Variants in ARAP1 observed in about 807,000 individuals in gnomAD.
ARAP1 encodes arf-GAP with Rho-GAP domain, ANK repeat and PH domain-containing protein 1.
ARAP1 carries 76 observed loss-of-function variants against 172.2 expected under a neutral mutation model. That is an observed-to-expected ratio of 0.44 (90% CI 0.37 to 0.53). ARAP1 has a LOEUF of 0.53. Among genes scored for constraint, ARAP1 ranks in the 20% least tolerant of loss-of-function variants. The probability of loss-of-function intolerance (pLI) is 0.00; values close to 1 mark genes in which losing one functional copy is unlikely to be tolerated. For synonymous variants in ARAP1, 804 were observed against 803.3 expected, an observed-to-expected ratio of 1.00 and a Z score of -0.01; for missense variants, 1,686 against 1,977.5, an observed-to-expected ratio of 0.85 and a Z score of 2.80.
intron 2 of ARAP1, among the ~76,000 whole-genome samples, chr11:72,730,042 A>G (rs1333855527): frequency 6.6e-6 from 1 of 152,198 alleles, no homozygotes; most frequent in Non-Finnish European, 1.5e-5. Flanking sequence ...GCACTCTTGC[A>G]TGGTAAAAAG....
rs1226185597 is a variant in ARAP1 at position 72,726,148 on chromosome 11, T to TGTGAAAGAG, written c.509+463_509+471dup. Among the ~76,000 whole-genome samples, 1 of 151,974 alleles carries TGTGAAAGAG rather than the reference T, an allele frequency of 6.6e-6. No homozygotes were observed. On this transcript the variant is annotated intron_variant, in intron 3 of 34. Transcript: ENST00000393609. This position sits in a 1 kb window ranked among gnomAD's most constrained non-coding sequence, Gnocchi z 6.5. Reference sequence around the variant, plus strand: ...TTGGCAGTGGGAGAAGGGGACAGGGTGTGAAAGAGCACACCACCAGGACCT... The same window carrying TGTGAAAGAG: ...TTGGCAGTGGGAGAAGGGGACAGGGTGTGAAAGAGGTGAAAGAGCACACCACCAGGACCT...
At chr11:72,727,913 T>C (rs1449743771) in intron 2 of ARAP1, among the ~76,000 whole-genome samples, 1 of 152,218 alleles carries the variant, frequency 6.6e-6, no homozygotes, top group East Asian at 1.9e-4. Context: ...CAAGAGGTGA[T>C]ATGAAGAGGT....
intron 4 of ARAP1, among the ~76,000 whole-genome samples, chr11:72,713,633 C>G (rs1016794218): frequency 5.3e-5 from 8 of 151,978 alleles, no homozygotes; most frequent in South Asian, 4.1e-4. Flanking sequence ...AGATCACGAA[C>G]TCAGGAGATC....
chr11:72,710,021 G>C lies in ARAP1; in HGVS notation c.1417-45C>G, dbSNP rs1856939737. 6.5e-7 allele frequency: 1 copy of C among 1,547,930 alleles called. No individual in the cohort carries two copies. The highest frequency in any genetic ancestry group is 1.7e-5 in the Admixed American group (1 of 59,916). On this transcript the variant is annotated intron_variant, in intron 10 of 34. Transcript: ENST00000393609. The surrounding 1 kb of genome is among the most constrained non-coding windows in gnomAD (Gnocchi z 4.3). The stretch of plus-strand genomic sequence containing the variant: ...GGATGAGGGCAAGGCTTTGGGGGCA[G>C]GGCGTGAGGCTTGGGACAGGGAGAG...
chr11:72,699,364 T>C lies in ARAP1; in HGVS notation c.2438+53A>G. ...TGGGTCTATTTCCCTGTCTCCCCAGTGGGGGATTGTACCTTATAGCAACCA... is the reference window on the plus strand; with the variant it reads ...TGGGTCTATTTCCCTGTCTCCCCAGCGGGGGATTGTACCTTATAGCAACCA... On this transcript the variant is annotated intron_variant, in intron 17 of 34. Transcript: ENST00000393609. This position sits in a 1 kb window ranked among gnomAD's most constrained non-coding sequence, Gnocchi z 4.2. 6.2e-7 allele frequency: 1 copy of C among 1,609,312 alleles called. No individual in the cohort carries two copies. The highest frequency in any genetic ancestry group is 2.2e-5 in the East Asian group (1 of 44,770).
At chr11:72,707,410 G>A (rs1304379620) in intron 11 of ARAP1, 36 bp from the exon 12 acceptor site, 3 of 1,570,660 alleles carry the variant, frequency 1.9e-6, no homozygotes, top group Admixed American at 1.7e-5. Context: ...AGTGGGGATG[G>A]ACTCAGAGGG....
chr11:72,689,848 G>A (rs1855864180), intron 30 of ARAP1, among the ~76,000 whole-genome samples: 2 of 152,138 alleles, frequency 1.3e-5, no homozygotes, highest in South Asian at 4.1e-4. Context: ...TAGGCAGGCG[G>A]GAGGAAATCA....
At position 72,725,626 on chromosome 11, in the gene ARAP1, CCT is replaced by C. The variant is rs1491506602; in HGVS notation, c.509+992_509+993del. Among the ~76,000 whole-genome samples, 1 of 152,086 alleles carries C rather than the reference CCT, an allele frequency of 6.6e-6. No homozygotes were observed. The highest frequency in any genetic ancestry group is 2.4e-5 in the African/African-American group (1 of 41,378). On this transcript the variant is annotated intron_variant, in intron 3 of 34. Transcript: ENST00000393609. The surrounding 1 kb of genome is among the most constrained non-coding windows in gnomAD (Gnocchi z 4.3). The stretch of plus-strand genomic sequence containing the variant: ...CTCCCAGACCCTCCCCACAAGGCCC[CCT>C]GAGTATGTCCTTGGCATGGATCCAG...
At chr11:72,694,859 C>T (rs1440664583) in intron 27 of ARAP1, 121 bp downstream of exon 27, 1 of 798,968 alleles carries the variant, frequency 1.3e-6, no homozygotes, top group Non-Finnish European at 2.0e-6. Context: ...GTGACAGCAA[C>T]ATGTCATCAA....
In ARAP1 at chr11:72,695,617, T is replaced by C; in HGVS notation, c.3432A>G (p.Glu1144=). The C allele has an allele frequency of 5.6e-6, 9 of 1,613,904 alleles. No individual in the cohort carries two copies. The highest frequency in any genetic ancestry group is 7.6e-6 in the Non-Finnish European group (9 of 1,179,826). Reference sequence around the variant, plus strand: ...TCTCCTCCCGCTGCTTCCTGAGCTCTTCCTCATCCACCTGGGAAGGGGCGA... The same window carrying C: ...TCTCCTCCCGCTGCTTCCTGAGCTCCTCCTCATCCACCTGGGAAGGGGCGA... The part of the protein sequence containing the change: ...HYVVVFSVDE[E]ELRKQREEIT... The change falls in exon 25 of 35, where the codon GAA becomes GAG. Residue 1144 remains glutamate (E), a synonymous_variant. Transcript: ENST00000393609. This position sits in a 1 kb window ranked among gnomAD's most constrained non-coding sequence, Gnocchi z 4.4.
intron 1 of ARAP1, among the ~76,000 whole-genome samples, chr11:72,748,830 TG>T (rs147167423): frequency 0.054 from 8,186 of 151,684 alleles, 749 homozygotes; most frequent in African/African-American, 0.19. Flanking sequence ...TAGGGGAAGG[TG>T]GAAAAAATGT....
intron 23 of ARAP1, among the ~76,000 whole-genome samples, chr11:72,696,168 C>G (rs1334175896): frequency 6.6e-6 from 1 of 151,578 alleles, no homozygotes. Flanking sequence ...GGTCGGGGGG[C>G]AGGGGATGGT....
chr11:72,728,307 C>T (rs1197772624), intron 2 of ARAP1, among the ~76,000 whole-genome samples: 4 of 152,154 alleles, frequency 2.6e-5, no homozygotes, highest in Non-Finnish European at 4.4e-5. Flanking sequence ...ATATAACAGA[C>T]TGGCCGGGCA....
chr11:72,686,087 A>AT lies in ARAP1; in HGVS notation c.4289dup (p.Asn1430LysfsTer2). On this transcript the variant is annotated frameshift_variant, in exon 34 of 35. Transcript: ENST00000393609. LOFTEE classifies it high-confidence loss of function. Reference sequence around the variant, plus strand: ...AGGCAGCCACACTCCGGCGCATTTCATTTTCACTACCTCGAAGGGGGATCA... The same window carrying AT: ...AGGCAGCCACACTCCGGCGCATTTCATTTTTCACTACCTCGAAGGGGGATCA... 6.2e-7 allele frequency: 1 copy of AT among 1,613,952 alleles called. No individual in the cohort carries two copies. The highest frequency in any genetic ancestry group is 8.5e-7 in the Non-Finnish European group (1 of 1,180,006).
At position 72,745,249 on chromosome 11, in the gene ARAP1, C is replaced by T. The variant is rs1361582969; in HGVS notation, c.-128+7079G>A. On this transcript the variant is annotated intron_variant, in intron 1 of 34. Transcript: ENST00000393609. Reference sequence around the variant, plus strand: ...TGTCGCCCAGGCTGGAGTGCAGTGGCTCGATCTCGGCTCACTGCAAGCTCC... The same window carrying T: ...TGTCGCCCAGGCTGGAGTGCAGTGGTTCGATCTCGGCTCACTGCAAGCTCC... Among the ~76,000 whole-genome samples, 10 of 135,908 alleles carry T rather than the reference C, an allele frequency of 7.4e-5. 1 individual carries two copies. In the Admixed American group the frequency reaches 8.1e-4, roughly 11 times the overall value. The allele number at this position is 135,908 out of a possible 152,430, so 89.2% of individuals were successfully genotyped here.
intron 15 of ARAP1, among the ~76,000 whole-genome samples, chr11:72,702,193 C>T (rs982316073): frequency 2.6e-5 from 4 of 152,218 alleles, no homozygotes; most frequent in South Asian, 2.1e-4. Context: ...CTGTTCCCCA[C>T]GGTCAGCGCC....
intron 18 of ARAP1, among the ~76,000 whole-genome samples, chr11:72,698,777 T>C (rs1346526920): frequency 6.6e-6 from 1 of 152,100 alleles, no homozygotes; most frequent in Non-Finnish European, 1.5e-5. Context: ...ACCTATGGAG[T>C]GCAAGGCCCA....
At chr11:72,749,311 C>T (rs1858467725) in intron 1 of ARAP1, among the ~76,000 whole-genome samples, 1 of 152,198 alleles carries the variant, frequency 6.6e-6, no homozygotes, top group African/African-American at 2.4e-5. Flanking sequence ...AGTTACTTAG[C>T]CTCTCTGTGC....
At chr11:72,723,241 G>A (rs976935087) in intron 3 of ARAP1, among the ~76,000 whole-genome samples, 11 of 152,172 alleles carry the variant, frequency 7.2e-5, no homozygotes, top group East Asian at 1.9e-4. Context: ...CCAGGAGTTC[G>A]AGGCTACAGT....
Sources: gnomAD v4.1 joint callset for allele counts (sites outside exome capture counted in the v4.1 genomes callset) on GRCh38, gnomAD v4.1.1 for gene constraint, Gnocchi (gnomAD v3.1) non-coding constraint, MANE v1.5 for transcripts, NCBI Gene and HGNC (gene_info 2026-07-23, HGNC 2026-07-21) for gene names.